Variants in KIF1A observed in about 807,000 individuals in gnomAD.
KIF1A encodes kinesin-like protein KIF1A.
In KIF1A, 46 loss-of-function variants were observed where a neutral mutation model predicts 227.3. The observed-to-expected ratio is 0.20, with a 90% CI of 0.16 to 0.26. The LOEUF (loss-of-function observed/expected upper bound fraction) is 0.26. Among genes scored for constraint, KIF1A ranks in the 10% least tolerant of loss-of-function variants. The pLI is 1.00. For synonymous variants in KIF1A, 1,022 were observed against 1,012.8 expected, an observed-to-expected ratio of 1.01 and a Z score of -0.17; for missense variants, 1,683 against 2,485.9, an observed-to-expected ratio of 0.68 and a Z score of 6.87.
intron 10 of KIF1A, among the ~76,000 whole-genome samples, chr2:240,780,785 C>CAT (rs1460626080): frequency 7.4e-6 from 1 of 135,450 alleles, no homozygotes; most frequent in Non-Finnish European, 1.5e-5. Flanking sequence ...CACACACACA[C>CAT]ACACACACAG....
intron 1 of KIF1A, among the ~76,000 whole-genome samples, chr2:240,810,777 G>A (rs1271531254): frequency 1.3e-5 from 2 of 152,318 alleles, no homozygotes; most frequent in East Asian, 3.9e-4. Context: ...TCATGGTGCT[G>A]GGCGTGGAGG....
chr2:240,717,953 C>T, intron 48 of KIF1A, 97 bp downstream of exon 48: 1 of 798,246 alleles, frequency 1.3e-6, no homozygotes, highest in Non-Finnish European at 2.1e-6. Flanking sequence ...GGAGAGCAGT[C>T]TTGTCCTGCA....
Position 240,714,231 on chromosome 2 carries a change from C to G in KIF1A, c.*3133G>C, listed in dbSNP as rs1212641017. ...ACAGGGAGGGCCACCTCATCACAGCCGTCCTGGGTGGGGGAGTTTGTGCCT... is the reference window on the plus strand; with the variant it reads ...ACAGGGAGGGCCACCTCATCACAGCGGTCCTGGGTGGGGGAGTTTGTGCCT... On this transcript the variant is annotated 3_prime_UTR_variant, in exon 49 of 49. Coordinates refer to ENST00000498729, the MANE Select transcript of KIF1A (RefSeq NM_001244008.2). 1 of 152,412 alleles carries G rather than the reference C, an allele frequency of 6.6e-6. No homozygotes were observed. The highest frequency in any genetic ancestry group is 2.4e-5 in the African/African-American group (1 of 41,444). 9.4% of individuals were successfully genotyped at this position (152,412 alleles called of 1,614,324 possible).
chr2:240,789,157 G>T lies in KIF1A; in HGVS notation c.183+79C>A. 8.6e-7 allele frequency: 1 copy of T among 1,163,702 alleles called. No homozygotes were observed. Among genetic ancestry groups the T allele is most frequent in the South Asian group, 1.2e-5 (1 of 80,456 alleles). The allele number at this position is 1,163,702 out of a possible 1,614,324, so 72.1% of individuals were successfully genotyped here. On this transcript the variant is annotated intron_variant, in intron 3 of 48. Transcript: ENST00000498729. The surrounding 1 kb of genome is among the most constrained non-coding windows in gnomAD (Gnocchi z 4.8). ...CAGTTAGAGAGGAATGAGCGGCTCA[G>T]AGAAGTTGAGGGACCCCGAGGGCCA...
rs569071678 is a variant in KIF1A, at chr2:240,760,765, T to C, written c.2344A>G (p.Lys782Glu). Residue 782 changes from lysine (K) to glutamate (E), a missense_variant, in exon 25 of 49, where the codon AAA becomes GAA. Physicochemically the swap from Lys to Glu is moderately conservative, Grantham distance 56. Transcript: ENST00000498729. ...PPDLLPPEAA[K>E]DRETRPFPRT... is the part of the protein sequence containing the mutation. ...GGGAAGGGCCGCGTCTCTCGGTCTTTGGCGGCCTCTGGGGGCAGCAGGTCG... is the reference window on the plus strand; with the variant it reads ...GGGAAGGGCCGCGTCTCTCGGTCTTCGGCGGCCTCTGGGGGCAGCAGGTCG... 10 of 1,602,800 alleles carry C rather than the reference T, an allele frequency of 6.2e-6. No individual in the cohort carries two copies. The African/African-American group carries it at 1.3e-4, about 22-fold the overall frequency.
rs895273323 is a variant in KIF1A, at chr2:240,797,708, G to A, written c.45C>T (p.Phe15=). ...AGTCACGGCTCATTTCCCGGGAATT[G>A]AAGGGGCGGACCCGCACCGCCACCT... ...SVKVAVRVRP[F]NSREMSRDSK... Residue 15 remains phenylalanine (F), a synonymous_variant, in exon 2 of 49, where the codon TTC becomes TTT. Transcript: ENST00000498729. 5 of 1,612,518 alleles carry A rather than the reference G, an allele frequency of 3.1e-6. No homozygotes were observed. Among genetic ancestry groups the A allele is most frequent in the Admixed American group, 3.3e-5 (2 of 59,954 alleles).
chr2:240,727,147 C>T (rs1486610651), intron 38 of KIF1A, among the ~76,000 whole-genome samples: 3 of 152,174 alleles, frequency 2.0e-5, no homozygotes, highest in African/African-American at 4.8e-5. Context: ...TTGGACGCCC[C>T]GATGAGGGTG....
intron 8 of KIF1A, 109 bp from the exon 9 acceptor site, chr2:240,783,218 T>A: frequency 1.2e-6 from 1 of 859,236 alleles, no homozygotes; most frequent in Non-Finnish European, 2.0e-6. Context: ...AGGCCACCAC[T>A]GCAGCTGCTG....
chr2:240,745,060 C>A (rs1025950577), intron 32 of KIF1A, among the ~76,000 whole-genome samples: 1 of 152,116 alleles, frequency 6.6e-6, no homozygotes, highest in African/African-American at 2.4e-5. Flanking sequence ...CACCCTGTAG[C>A]CCCTGTGGCC....
At chr2:240,787,165 C>T (rs2055045938) in intron 5 of KIF1A, 86 bp downstream of exon 5, 2 of 1,084,762 alleles carry the variant, frequency 1.8e-6, no homozygotes, top group South Asian at 2.5e-5. Flanking sequence ...CCGTGGTGGG[C>T]ACTCACTTTG....
intron 23 of KIF1A, among the ~76,000 whole-genome samples, chr2:240,762,435 G>C (rs2050640990): frequency 6.6e-6 from 1 of 152,238 alleles, no homozygotes; most frequent in East Asian, 1.9e-4. Flanking sequence ...GAGGCAGCAT[G>C]TGTGTGCACG....
chr2:240,717,962 C>A, intron 48 of KIF1A, 88 bp downstream of exon 48: 2 of 835,980 alleles, frequency 2.4e-6, no homozygotes, highest in South Asian at 2.9e-5. Context: ...TCTTGTCCTG[C>A]AGCAGGGCCC....
In KIF1A at chr2:240,775,625, G is replaced by T. The variant is rs1315402517; in HGVS notation, c.958+226C>A. On this transcript the variant is annotated intron_variant, in intron 11 of 48. Coordinates refer to ENST00000498729, the MANE Select transcript of KIF1A (RefSeq NM_001244008.2). This position sits in a 1 kb window ranked among gnomAD's most constrained non-coding sequence, Gnocchi z 5.5. Reference sequence around the variant, plus strand: ...GCAGGTGTGTGCTGTGCCACCCCCTGGGCTGTCCTGGTTCCCACACTCGCT... The same window carrying T: ...GCAGGTGTGTGCTGTGCCACCCCCTTGGCTGTCCTGGTTCCCACACTCGCT... 6.6e-6 allele frequency among the ~76,000 whole-genome samples: 1 copy of T among 152,164 alleles called. No individual in the cohort carries two copies. Among genetic ancestry groups the T allele is most frequent in the South Asian group, 2.1e-4 (1 of 4,826 alleles).
intron 34 of KIF1A, among the ~76,000 whole-genome samples, chr2:240,742,393 G>A (rs1430429916): frequency 1.3e-5 from 2 of 152,096 alleles, no homozygotes; most frequent in African/African-American, 4.8e-5. Flanking sequence ...GCTCTCCCCC[G>A]ACCATGTCCC....
intron 31 of KIF1A, 109 bp from the exon 32 acceptor site, chr2:240,745,626 C>A: frequency 6.7e-7 from 1 of 1,490,364 alleles, no homozygotes. Flanking sequence ...GGCCTGCGGG[C>A]TGGGCCAACA....
In KIF1A at chr2:240,778,297, C is replaced by G. The variant is rs1195045009; in HGVS notation, c.883-2371G>C. On this transcript the variant is annotated intron_variant, in intron 10 of 48. Coordinates refer to ENST00000498729, the MANE Select transcript of KIF1A (RefSeq NM_001244008.2). This position sits in a 1 kb window ranked among gnomAD's most constrained non-coding sequence, Gnocchi z 7.2. ...TTCCACGCGATCCTCACCTAGGTCT[C>G]TACATAGGGCCTCGTTACACAGGCG... 6.6e-6 allele frequency among the ~76,000 whole-genome samples: 1 copy of G among 152,096 alleles called. No homozygotes were observed. Among genetic ancestry groups the G allele is most frequent in the Non-Finnish European group, 1.5e-5 (1 of 68,022 alleles).
At chr2:240,737,595 A>G in intron 37 of KIF1A, 1 of 152,954 alleles carries the variant, frequency 6.5e-6, no homozygotes, top group African/African-American at 2.5e-5. Context: ...GGGAAAGAAG[A>G]GCAGAGGAGG....
chr2:240,795,965 C>T (rs2056343858), intron 2 of KIF1A, among the ~76,000 whole-genome samples: 1 of 152,182 alleles, frequency 6.6e-6, no homozygotes, highest in Non-Finnish European at 1.5e-5. Flanking sequence ...TCCCCATGAC[C>T]CCACATGCAA....
Position 240,766,820 on chromosome 2 carries a change from AGTGCTGGGTAAGCT to A in KIF1A, c.1684+81_1684+94del, listed in dbSNP as rs1272290127. 1.3e-6 allele frequency: 1 copy of A among 757,136 alleles called. No homozygotes were observed. The highest frequency in any genetic ancestry group is 1.8e-5 in the African/African-American group (1 of 56,910). 46.9% of individuals were successfully genotyped at this position (757,136 alleles called of 1,614,324 possible). A position where few individuals can be genotyped will look rare whatever the true frequency, so the allele number is the denominator to read the frequency against. ...TAGAAGTATGACTCGCGACCCACTT[AGTGCTGGGTAAGCT>A]GGGAGAGGGTGACCTCATTCAGGCC... On this transcript the variant is annotated intron_variant, in intron 19 of 48. Transcript: ENST00000498729. The surrounding 1 kb of genome is among the most constrained non-coding windows in gnomAD (Gnocchi z 5.0).
Sources: gnomAD v4.1 joint callset for allele counts (sites outside exome capture counted in the v4.1 genomes callset) on GRCh38, gnomAD v4.1.1 for gene constraint, Gnocchi (gnomAD v3.1) non-coding constraint, MANE v1.5 for transcripts, NCBI Gene and HGNC (gene_info 2026-07-23, HGNC 2026-07-21) for gene names.